ADARB1: variants seen among roughly 807,000 people sequenced by gnomAD.
The protein encoded by ADARB1 is adenosine deaminase RNA specific B1.
ADARB1 carries 10 observed loss-of-function variants against 52.4 expected under a neutral mutation model. The observed-to-expected ratio is 0.19, with a 90% CI of 0.12 to 0.32. The LOEUF is 0.32. Among genes scored for constraint, ADARB1 ranks in the 10% least tolerant of loss-of-function variants. The probability of loss-of-function intolerance (pLI) is 1.00; values close to 1 mark genes in which losing one functional copy is unlikely to be tolerated. For missense variants in ADARB1, 643 were observed against 922.3 expected, an observed-to-expected ratio of 0.70 and a Z score of 3.92; for synonymous variants, 349 against 371.1, an observed-to-expected ratio of 0.94 and a Z score of 0.68.
chr21:45,115,625 T>A (rs2087784715), intron 1 of ADARB1, among the ~76,000 whole-genome samples: 1 of 152,278 alleles, frequency 6.6e-6, no homozygotes, highest in African/African-American at 2.4e-5. Context: ...AAAGGATGTT[T>A]ACTATGTAAA....
Position 45,077,735 on chromosome 21 carries a change from C to G in ADARB1, c.-220+2942C>G, listed in dbSNP as rs140665951. On this transcript the variant is annotated intron_variant, in intron 1 of 10. Coordinates refer to ENST00000348831, the MANE Select transcript of ADARB1 (RefSeq NM_001112.4). ...TGTCAACTTTCTAAAATAGGAATTT[C>G]TAAATCTGTAATTTGGTGTGATGGA... 4.6e-5 allele frequency among the ~76,000 whole-genome samples: 7 copies of G among 151,552 alleles called. No homozygotes were observed. In the East Asian group the frequency reaches 1.4e-3, roughly 29 times the overall value.
intron 1 of ADARB1, among the ~76,000 whole-genome samples, chr21:45,111,196 G>C (rs956609150): frequency 6.6e-6 from 1 of 152,220 alleles, no homozygotes. Flanking sequence ...TGTTGGCGTG[G>C]GTGCCTGCCA....
intron 2 of ADARB1, among the ~76,000 whole-genome samples, chr21:45,129,854 G>T (rs769573873): frequency 1.3e-5 from 2 of 152,214 alleles, no homozygotes; most frequent in Non-Finnish European, 2.9e-5. Context: ...TGCCAGCAAA[G>T]GTCCTGCTTG....
intron 2 of ADARB1, among the ~76,000 whole-genome samples, chr21:45,132,556 T>C (rs1388635382): frequency 6.6e-6 from 1 of 152,176 alleles, no homozygotes; most frequent in Non-Finnish European, 1.5e-5. Flanking sequence ...CCAGGCCTGC[T>C]ACCTTGTGGG....
At position 45,204,723 on chromosome 21, in the gene ADARB1, G is replaced by T; in HGVS notation, c.1734G>T (p.Lys578Asn). The change falls in exon 9 of 11, where the codon AAG becomes AAT. Residue 578 changes from lysine (K) to asparagine (N), a missense_variant. Lys to Asn is a moderately conservative substitution (Grantham distance 94). This residue lies in a region of ADARB1 where 263 missense variants were observed against 475.8 expected (regional missense o/e 0.55). Transcript: ENST00000348831. This position sits in a 1 kb window ranked among gnomAD's most constrained non-coding sequence, Gnocchi z 4.4. ...EDLPPLYTLN[K>N]PLLSGISNAE... ...TGCCACCTCTCTACACCCTCAACAA[G>T]CCTTTGCTCAGTGGCAAGTATCTCT... 1.9e-6 allele frequency: 3 copies of T among 1,613,964 alleles called. No individual in the cohort carries two copies. The highest frequency in any genetic ancestry group is 2.5e-6 in the Non-Finnish European group (3 of 1,179,956).
intron 1 of ADARB1, among the ~76,000 whole-genome samples, chr21:45,111,649 TG>T (rs1453692580): frequency 6.6e-6 from 1 of 152,252 alleles, no homozygotes; most frequent in African/African-American, 2.4e-5. Flanking sequence ...GATGTGTTTT[TG>T]TGTGTTTTCT....
chr21:45,203,145 A>G (rs1008322857), intron 8 of ADARB1, among the ~76,000 whole-genome samples: 1 of 152,174 alleles, frequency 6.6e-6, no homozygotes, highest in African/African-American at 2.4e-5. Flanking sequence ...TCTCTCTGCC[A>G]TCTGAATACC....
chr21:45,109,823 G>C (rs2087453199), intron 1 of ADARB1, among the ~76,000 whole-genome samples: 1 of 152,164 alleles, frequency 6.6e-6, no homozygotes. Context: ...TCATGTATTT[G>C]CTCCTGAAAT....
At chr21:45,099,646 T>A (rs1344019744) in intron 1 of ADARB1, among the ~76,000 whole-genome samples, 1 of 152,028 alleles carries the variant, frequency 6.6e-6, no homozygotes, top group African/African-American at 2.4e-5. Flanking sequence ...CTCAAAAAAA[T>A]AAAAAATAAA....
At chr21:45,080,646 G>A (rs2086117541) in intron 1 of ADARB1, among the ~76,000 whole-genome samples, 2 of 152,208 alleles carry the variant, frequency 1.3e-5, no homozygotes, top group African/African-American at 2.4e-5. Context: ...AGATACATGT[G>A]GAAATGGAAT....
intron 2 of ADARB1, among the ~76,000 whole-genome samples, chr21:45,153,922 G>A (rs1601631106): frequency 6.6e-6 from 1 of 152,154 alleles, no homozygotes; most frequent in Non-Finnish European, 1.5e-5. Context: ...ACTAAGACAG[G>A]CAATAGGGAG....
intron 5 of ADARB1, among the ~76,000 whole-genome samples, chr21:45,182,202 A>T (rs1382640932): frequency 6.6e-6 from 1 of 152,162 alleles, no homozygotes; most frequent in Non-Finnish European, 1.5e-5. Context: ...TTGATATTTG[A>T]TGTCAAGATT....
chr21:45,147,507 C>T (rs1286738434), intron 2 of ADARB1, among the ~76,000 whole-genome samples: 1 of 152,186 alleles, frequency 6.6e-6, no homozygotes, highest in Non-Finnish European at 1.5e-5. Context: ...TGCAAGGTGA[C>T]TTGTAATATG....
At chr21:45,177,938 A>G (rs974849250) in intron 4 of ADARB1, among the ~76,000 whole-genome samples, 1 of 152,206 alleles carries the variant, frequency 6.6e-6, no homozygotes, top group Non-Finnish European at 1.5e-5. Flanking sequence ...AACATTGTTT[A>G]TAAGGATTAT....
In ADARB1 at chr21:45,074,654, G is replaced by C. The variant is rs1373652224; in HGVS notation, c.-359G>C. ...GGCCAAGCGGCCAGGTTGGCGGCCG[G>C]GGCTCCGGGCCGCGCGAGGCCACGG... On this transcript the variant is annotated 5_prime_UTR_variant, in exon 1 of 11. Coordinates refer to ENST00000348831, the MANE Select transcript of ADARB1 (RefSeq NM_001112.4). The C allele has an allele frequency of 6.8e-6, 1 of 146,146 alleles. No homozygotes were observed. Among genetic ancestry groups the C allele is most frequent in the African/African-American group, 2.5e-5 (1 of 40,698 alleles). The allele number at this position is 146,146 out of a possible 1,614,324, so 9.1% of individuals were successfully genotyped here.
intron 1 of ADARB1, among the ~76,000 whole-genome samples, chr21:45,123,950 T>C (rs1425471174): frequency 6.6e-6 from 1 of 152,248 alleles, no homozygotes; most frequent in Admixed American, 6.5e-5. Flanking sequence ...AATTTTACCA[T>C]GTAAGAATGC....
At chr21:45,150,669 C>T (rs1411962286) in intron 2 of ADARB1, among the ~76,000 whole-genome samples, 1 of 152,150 alleles carries the variant, frequency 6.6e-6, no homozygotes. Flanking sequence ...CCCACCCTAA[C>T]GAGAAGTGAA....
intron 8 of ADARB1, among the ~76,000 whole-genome samples, chr21:45,194,616 C>T (rs2092383927): frequency 6.6e-6 from 1 of 152,218 alleles, no homozygotes; most frequent in Non-Finnish European, 1.5e-5. Flanking sequence ...CCTCTGGCAA[C>T]AGCTAATCTT....
Position 45,167,440 on chromosome 21 carries a change from G to A in ADARB1, c.-47-4170G>A, listed in dbSNP as rs759034849. ...TAAATTAGCCATTTGTGTGTCTTCT[G>A]CCTATTATTAATAAACTTTTTATTT... On this transcript the variant is annotated intron_variant, in intron 2 of 10. Transcript: ENST00000348831. 2.6e-5 allele frequency among the ~76,000 whole-genome samples: 4 copies of A among 152,132 alleles called. No individual in the cohort carries two copies. In the East Asian group the frequency reaches 7.7e-4, roughly 29 times the overall value.
Sources: allele counts gnomAD v4.1 joint callset (sites outside exome capture counted in the v4.1 genomes callset), GRCh38; gene constraint gnomAD v4.1.1; regional missense constraint gnomAD v4.1.1; non-coding constraint Gnocchi (gnomAD v3.1); transcripts MANE v1.5; gene names NCBI Gene and HGNC (gene_info 2026-07-23, HGNC 2026-07-21).